ARHGEF11: variants seen among roughly 807,000 people sequenced by gnomAD.
The protein encoded by ARHGEF11 is Rho guanine exchange factor (GEF) 11.
ARHGEF11 carries 55 observed loss-of-function variants against 193.7 expected under a neutral mutation model. The ratio of observed to expected loss-of-function variants is 0.28; its 90% CI spans 0.23 to 0.36. The LOEUF (loss-of-function observed/expected upper bound fraction) is 0.36. ARHGEF11 is among the 10% of genes least tolerant of loss of function. The probability of loss-of-function intolerance (pLI) is 1.00; values close to 1 mark genes in which losing one functional copy is unlikely to be tolerated. For synonymous variants in ARHGEF11, 693 were observed against 768.0 expected (o/e 0.90, Z 1.62); for missense variants, 1,723 against 2,005.6 (o/e 0.86, Z 2.69).
rs202029354 is a variant in ARHGEF11, at chr1:156,937,035, C to T, written c.4441-30G>A. 5.5e-5 allele frequency: 89 copies of T among 1,605,758 alleles called. No individual in the cohort carries two copies. The Admixed American group carries it at 9.0e-4, about 16-fold the overall frequency. On this transcript the variant is annotated intron_variant, in intron 39 of 40. Transcript: ENST00000368194. ...AAGAGTCGGCGGGGGAATGTCTGCT[C>T]GAGTCCTTCTATTCCTAAGGCCCCT... is the stretch of plus-strand genomic sequence containing the variant.
rs1657066951 is a variant in ARHGEF11, at chr1:156,941,919, G to A, written c.3397C>T (p.His1133Tyr). 6.2e-7 allele frequency: 1 copy of A among 1,613,996 alleles called. No individual in the cohort carries two copies. The highest frequency in any genetic ancestry group is 1.3e-5 in the African/African-American group (1 of 74,922). Residue 1133 changes from histidine (H) to tyrosine (Y), a missense_variant, in exon 34 of 41, where the codon CAT becomes TAT. Around this residue, in one of 5 missense-constraint regions of ARHGEF11, gnomAD observed 203 missense variants for 237.3 expected, o/e 0.86. Transcript: ENST00000368194. Reference protein sequence around the residue: ...RHPGAAPMPVHPPPPGPREPA... With the variant: ...RHPGAAPMPVYPPPPGPREPA... ...TCCCGGGGACCTGGGGGTGGAGGAT[G>A]GACGGGCATTGGGGCAGCTCCGGGG...
rs1338512348 is a variant in ARHGEF11 at position 157,045,023 on chromosome 1, A to C, written c.-693T>G. Reference sequence around the variant, plus strand: ...ACCAAAATTTATGGACTTCCTTAAAAAAAAAAAAGCTTTTACATTAAATGT... The same window carrying C: ...ACCAAAATTTATGGACTTCCTTAAACAAAAAAAAGCTTTTACATTAAATGT... On this transcript the variant is annotated 5_prime_UTR_variant, in exon 1 of 41. Coordinates refer to ENST00000368194, the MANE Select transcript of ARHGEF11 (RefSeq NM_198236.3). The C allele has an allele frequency of 6.6e-6, 1 of 152,218 alleles. No individual in the cohort carries two copies. The highest frequency in any genetic ancestry group is 1.5e-5 in the Non-Finnish European group (1 of 68,080). The allele number at this position is 152,218 out of a possible 1,614,324, so 9.4% of individuals were successfully genotyped here. A position where few individuals can be genotyped will look rare whatever the true frequency, so the allele number is the denominator to read the frequency against.
In ARHGEF11 at chr1:156,955,737, T is replaced by C; in HGVS notation, c.1734A>G (p.Lys578=). ...AAGAGCTTTTGGGCTTCCCAATGTA[T>C]TTGAGGATAGGGTTTCGCTTCTTGT... ...LEDKKRNPIL[K]YIGKPKSSSQ... is the part of the protein sequence containing the mutation. The change falls in exon 20 of 41, where the codon AAA becomes AAG. Residue 578 remains lysine, a synonymous_variant. Transcript: ENST00000368194. 1.2e-6 allele frequency: 2 copies of C among 1,614,176 alleles called. No individual in the cohort carries two copies. The highest frequency in any genetic ancestry group is 1.1e-5 in the South Asian group (1 of 91,080).
At chr1:157,017,354 C>G (rs1357970301) in intron 1 of ARHGEF11, among the ~76,000 whole-genome samples, 2 of 152,150 alleles carry the variant, frequency 1.3e-5, no homozygotes, top group Non-Finnish European at 2.9e-5. Context: ...GTATGTCCGT[C>G]TCTTCCATGA....
At chr1:157,013,497 G>A (rs904382154) in intron 1 of ARHGEF11, among the ~76,000 whole-genome samples, 2 of 151,874 alleles carry the variant, frequency 1.3e-5, no homozygotes, top group African/African-American at 2.4e-5. Context: ...CTCTCCCCCA[G>A]CATGGCTGCT....
intron 1 of ARHGEF11, among the ~76,000 whole-genome samples, chr1:157,013,427 T>C (rs1439542473): frequency 6.6e-6 from 1 of 152,096 alleles, no homozygotes; most frequent in Non-Finnish European, 1.5e-5. Flanking sequence ...CTCCTGCTTA[T>C]TCCTCAAGCC....
chr1:157,041,340 C>T (rs1476004091), intron 1 of ARHGEF11, among the ~76,000 whole-genome samples: 1 of 152,198 alleles, frequency 6.6e-6, no homozygotes, highest in East Asian at 1.9e-4. Context: ...AACAGCTACA[C>T]TTTAGCCCAT....
chr1:157,045,806 G>T (rs1165903600), upstream of ARHGEF11, among the ~76,000 whole-genome samples: 1 of 150,780 alleles, frequency 6.6e-6, no homozygotes, highest in Non-Finnish European at 1.5e-5. Flanking sequence ...CCGCTCGCTC[G>T]GGCGCAGGCC....
chr1:156,949,859 T>C (rs944143192), intron 22 of ARHGEF11, among the ~76,000 whole-genome samples: 3 of 152,178 alleles, frequency 2.0e-5, no homozygotes, highest in African/African-American at 7.2e-5. Context: ...CTGGGGCATC[T>C]TATACCTGTT....
rs539539608 is a variant in ARHGEF11 at position 156,935,940 on chromosome 1, G to A, written c.*60C>T. 96 of 1,552,766 alleles carry A rather than the reference G, an allele frequency of 6.2e-5. No individual in the cohort carries two copies. The highest frequency in any genetic ancestry group is 8.2e-5 in the Non-Finnish European group (93 of 1,138,910). ...TGGGATCCCCCCTACCCTGTGCCCC[G>A]GTCTCAGGCCAGTCCCTGAAGGAGG... On this transcript the variant is annotated 3_prime_UTR_variant, in exon 41 of 41. Transcript: ENST00000368194.
In ARHGEF11 at chr1:156,948,849, G is replaced by T; in HGVS notation, c.1926-351C>A. 6.1e-6 allele frequency: 6 copies of T among 985,384 alleles called. No individual in the cohort carries two copies. The highest frequency in any genetic ancestry group is 7.2e-6 in the Non-Finnish European group (6 of 829,906). The allele number at this position is 985,384 out of a possible 1,614,324, so 61.0% of individuals were successfully genotyped here. ...ACACCATGCTTCTGTCAAGAAGGTG[G>T]TAGACATCATCGTCCCTCAACAGGG... On this transcript the variant is annotated intron_variant, in intron 22 of 40. Transcript: ENST00000368194. The surrounding 1 kb of genome is among the most constrained non-coding windows in gnomAD (Gnocchi z 4.2).
chr1:156,942,514 G>T (rs993271753), intron 33 of ARHGEF11, among the ~76,000 whole-genome samples, 176 bp downstream of exon 33: 4 of 152,224 alleles, frequency 2.6e-5, no homozygotes, highest in Admixed American at 2.0e-4. Flanking sequence ...ACCAGGTCGG[G>T]GGTGATGACC....
intron 9 of ARHGEF11, 149 bp from the exon 10 acceptor site, chr1:156,969,507 C>A: frequency 1.4e-6 from 1 of 710,884 alleles, no homozygotes; most frequent in Non-Finnish European, 2.4e-6. Flanking sequence ...ATCCCATGAC[C>A]TCTAGACTCG....
chr1:156,940,388 C>G lies in ARHGEF11; in HGVS notation c.3552G>C (p.Gln1184His), dbSNP rs1389302147. Residue 1184 changes from glutamine to histidine, a missense_variant, in exon 36 of 41, where the codon CAG becomes CAC. Around this residue, in one of 5 missense-constraint regions of ARHGEF11, gnomAD observed 203 missense variants for 237.3 expected, o/e 0.86. Coordinates refer to ENST00000368194, the MANE Select transcript of ARHGEF11 (RefSeq NM_198236.3). ...GSQQRVQGKH[Q>H]VLLEDPEQEG... ...CCTGCTCAGGGTCCTCTAGCAGGAC[C>G]TGGTGCTTCCCTTGGACCCTCTGCT... is the stretch of plus-strand genomic sequence containing the variant. The G allele has an allele frequency of 1.9e-6, 3 of 1,612,392 alleles. No individual in the cohort carries two copies. The highest frequency in any genetic ancestry group is 1.1e-5 in the South Asian group (1 of 90,688).
chr1:156,970,388 A>G (rs963323312), intron 8 of ARHGEF11, among the ~76,000 whole-genome samples: 1 of 152,242 alleles, frequency 6.6e-6, no homozygotes, highest in Admixed American at 6.5e-5. Context: ...GAGGGAAGAT[A>G]TAAAAGGTTT....
chr1:156,995,562 T>C (rs543627373), intron 1 of ARHGEF11, among the ~76,000 whole-genome samples: 42 of 150,784 alleles, frequency 2.8e-4, no homozygotes, highest in African/African-American at 6.0e-4. Context: ...TCTTCTTCTT[T>C]TTTTTTTTTT....
intron 21 of ARHGEF11, among the ~76,000 whole-genome samples, chr1:156,953,565 A>G (rs1310423413): frequency 2.6e-5 from 4 of 152,232 alleles, no homozygotes; most frequent in Non-Finnish European, 5.9e-5. Context: ...CATACAGTCT[A>G]GGAATTTAGT....
At chr1:157,046,633 A>C (rs956706872), upstream of ARHGEF11, among the ~76,000 whole-genome samples, 1 of 151,916 alleles carries the variant, frequency 6.6e-6, no homozygotes, top group Non-Finnish European at 1.5e-5. Flanking sequence ...AGGCTGTGTG[A>C]AGTGTCTTTG....
At chr1:156,953,283 A>C (rs1194930316) in intron 21 of ARHGEF11, among the ~76,000 whole-genome samples, 1 of 152,236 alleles carries the variant, frequency 6.6e-6, no homozygotes, top group Non-Finnish European at 1.5e-5. Flanking sequence ...TCTCTACAAA[A>C]AATAAATTAG....
Sources: allele counts gnomAD v4.1 joint callset (sites outside exome capture counted in the v4.1 genomes callset), GRCh38; gene constraint gnomAD v4.1.1; regional missense constraint gnomAD v4.1.1; non-coding constraint Gnocchi (gnomAD v3.1); transcripts MANE v1.5; gene names NCBI Gene and HGNC (gene_info 2026-07-23, HGNC 2026-07-21).